Variants in EXOC4 observed in about 807,000 individuals in gnomAD.
The protein encoded by EXOC4 is SEC8-like 1.
Under a neutral mutation model 107.2 loss-of-function variants are expected in EXOC4, and 71 were observed. That is an observed-to-expected ratio of 0.66 (90% CI 0.55 to 0.81). The LOEUF is 0.81. EXOC4 is among the 30% of genes least tolerant of loss of function. EXOC4 has a pLI of 0.00. For synonymous variants in EXOC4, 456 were observed against 441.2 expected, an observed-to-expected ratio of 1.03 and a Z score of -0.42; for missense variants, 1,108 against 1,189.6, an observed-to-expected ratio of 0.93 and a Z score of 1.01.
At chr7:133,304,333 G>A (rs1794705553) in intron 3 of EXOC4, among the ~76,000 whole-genome samples, 4 of 152,144 alleles carry the variant, frequency 2.6e-5, no homozygotes, top group Non-Finnish European at 5.9e-5. Flanking sequence ...CATTTTGTGA[G>A]GCTGCCTTTC....
Position 134,034,532 on chromosome 7 carries a change from T to C in EXOC4, c.2687+26697T>C, listed in dbSNP as rs574455794. Among the ~76,000 whole-genome samples the C allele has an allele frequency of 5.4e-4, 83 of 152,324 alleles. 1 individual carries two copies. In the South Asian group the frequency reaches 0.017, roughly 31 times the overall value. ...ATGTTTTTCTCGTGATAGTGAGTTC[T>C]CATGAAATCTGATGGTTTTATAAGG... On this transcript the variant is annotated intron_variant, in intron 17 of 17. Transcript: ENST00000253861.
chr7:133,437,004 GGAGTGTGTGAGGATGGGA>G (rs1402924745), intron 7 of EXOC4, among the ~76,000 whole-genome samples: 1 of 152,014 alleles, frequency 6.6e-6, no homozygotes, highest in African/African-American at 2.4e-5. Flanking sequence ...GGTTTGTGTG[GGAGTGTGTGAGGATGGGA>G]GAAACTTCCA....
chr7:133,505,649 C>T (rs562249539), intron 9 of EXOC4, among the ~76,000 whole-genome samples: 1 of 152,190 alleles, frequency 6.6e-6, no homozygotes, highest in South Asian at 2.1e-4. Context: ...CGTGCCCATT[C>T]TGATTCTTCT....
intron 5 of EXOC4, among the ~76,000 whole-genome samples, chr7:133,344,849 T>C (rs1156822924): frequency 6.6e-6 from 1 of 152,186 alleles, no homozygotes; most frequent in Non-Finnish European, 1.5e-5. Flanking sequence ...ATTCTACCTT[T>C]GTTTGCAATA....
At chr7:133,684,072 A>C (rs1794243015) in intron 10 of EXOC4, among the ~76,000 whole-genome samples, 1 of 152,186 alleles carries the variant, frequency 6.6e-6, no homozygotes, top group Admixed American at 6.6e-5. Flanking sequence ...CTGCCATAGC[A>C]TACACTGCTT....
At chr7:133,515,772 A>G (rs1158683480) in intron 9 of EXOC4, among the ~76,000 whole-genome samples, 1 of 152,126 alleles carries the variant, frequency 6.6e-6, no homozygotes, top group Non-Finnish European at 1.5e-5. Context: ...CCTGACCGGC[A>G]CTGATTTTTT....
At chr7:134,084,136 G>C in the EXOC4 span, among the ~76,000 whole-genome samples, 1 of 152,160 alleles carries the variant, frequency 6.6e-6, no homozygotes, top group South Asian at 2.1e-4. Context: ...AATCAGCCTG[G>C]AAACATGACT....
rs148737605 is a variant in EXOC4, at chr7:133,692,027, G to C, written c.1514+61886G>C. Among the ~76,000 whole-genome samples the C allele has an allele frequency of 6.2e-3, 937 of 152,136 alleles. 8 individuals are homozygous for C. Among genetic ancestry groups the C allele is most frequent in the Non-Finnish European group, 9.6e-3 (655 of 67,998 alleles). ...GGAAAAATAATATAGAGGGAATAAT[G>C]ATAAGGCTGGGTCAAGAGTGTCTTT... On this transcript the variant is annotated intron_variant, in intron 10 of 17. Coordinates refer to ENST00000253861, the MANE Select transcript of EXOC4 (RefSeq NM_021807.4).
intron 7 of EXOC4, among the ~76,000 whole-genome samples, chr7:133,384,730 G>A (rs1251531205): frequency 4.0e-5 from 3 of 74,492 alleles, no homozygotes; most frequent in Non-Finnish European, 5.5e-5. Context: ...TTTTTTAAGC[G>A]TATTTAAAAA....
intron 9 of EXOC4, among the ~76,000 whole-genome samples, chr7:133,511,839 C>G (rs1799775388): frequency 6.6e-6 from 1 of 151,572 alleles, no homozygotes; most frequent in Non-Finnish European, 1.5e-5. Flanking sequence ...TAAGTATAAT[C>G]ATTGTAGAGC....
chr7:133,279,932 A>G (rs985093563), intron 2 of EXOC4, among the ~76,000 whole-genome samples: 2 of 152,104 alleles, frequency 1.3e-5, no homozygotes, highest in Non-Finnish European at 2.9e-5. Context: ...TTCTTCCCTG[A>G]TGGTCCAAGC....
In EXOC4 at chr7:133,787,963, T is replaced by TTTTATATATA. The variant is rs1203837455; in HGVS notation, c.1515-29361_1515-29360insTTATATATAT. Among the ~76,000 whole-genome samples, 24 of 40,968 alleles carry TTTTATATATA rather than the reference T, an allele frequency of 5.9e-4. 2 individuals carry two copies. Among genetic ancestry groups the TTTTATATATA allele is most frequent in the African/African-American group, 1.8e-3 (22 of 12,160 alleles). The allele number at this position is 40,968 out of a possible 152,430, so 26.9% of individuals were successfully genotyped here. On this transcript the variant is annotated intron_variant, in intron 10 of 17. Coordinates refer to ENST00000253861, the MANE Select transcript of EXOC4 (RefSeq NM_021807.4). ...CTTCCCTGTGCATATATTTATATATTTATATATATATATATATATATATAT... is the reference window on the plus strand; with the variant it reads ...CTTCCCTGTGCATATATTTATATATTTTTATATATATATATATATATATATATATATATAT...
chr7:133,604,986 A>T (rs758146399), intron 9 of EXOC4, among the ~76,000 whole-genome samples: 4 of 151,814 alleles, frequency 2.6e-5, no homozygotes, highest in Non-Finnish European at 4.4e-5. Context: ...CGGCCTCCCA[A>T]AGTGCTGGGA....
In EXOC4 at chr7:133,864,652, G is replaced by A. The variant is rs141814119; in HGVS notation, c.1735-30947G>A. On this transcript the variant is annotated intron_variant, in intron 11 of 17. Coordinates refer to ENST00000253861, the MANE Select transcript of EXOC4 (RefSeq NM_021807.4). ...AAAGCAGGGAGATTTGGTGACTATA[G>A]ATAATTATGGAACAAGAGTTAGATC... is the stretch of plus-strand genomic sequence containing the variant. 2.5e-3 allele frequency among the ~76,000 whole-genome samples: 374 copies of A among 152,312 alleles called. 4 individuals are homozygous for A. Among genetic ancestry groups the A allele is most frequent in the African/African-American group, 8.6e-3 (357 of 41,574 alleles).
chr7:133,781,702 C>A (rs1411023770), intron 10 of EXOC4, among the ~76,000 whole-genome samples: 1 of 152,202 alleles, frequency 6.6e-6, no homozygotes, highest in Non-Finnish European at 1.5e-5. Context: ...ACTGGGCCTT[C>A]TTCACCTCTT....
intron 9 of EXOC4, among the ~76,000 whole-genome samples, chr7:133,492,007 AG>A (rs1262652200): frequency 6.6e-6 from 1 of 152,236 alleles, no homozygotes; most frequent in Non-Finnish European, 1.5e-5. Context: ...AGATCTCAAA[AG>A]ACCTGGTATG....
chr7:134,053,481 T>C (rs1361248503), intron 17 of EXOC4, among the ~76,000 whole-genome samples: 1 of 151,796 alleles, frequency 6.6e-6, no homozygotes, highest in East Asian at 1.9e-4. Context: ...AGAGGCAGAA[T>C]TGGGTTTAAA....
intron 5 of EXOC4, among the ~76,000 whole-genome samples, chr7:133,338,770 T>TCC (rs1563025344): frequency 6.3e-5 from 7 of 111,392 alleles, no homozygotes; most frequent in African/African-American, 9.2e-5. Flanking sequence ...TTTTTTTTTT[T>TCC]CAGACAGAGT....
chr7:133,760,772 A>T (rs2151150835), intron 10 of EXOC4, among the ~76,000 whole-genome samples: 1 of 152,302 alleles, frequency 6.6e-6, no homozygotes, highest in South Asian at 2.1e-4. Flanking sequence ...TAGCATGCTT[A>T]ATGTCCTATC....
Sources: gnomAD v4.1 joint callset for allele counts (sites outside exome capture counted in the v4.1 genomes callset) on GRCh38, gnomAD v4.1.1 for gene constraint, MANE v1.5 for transcripts, NCBI Gene and HGNC (gene_info 2026-07-23, HGNC 2026-07-21) for gene names.